The following CBFA2T2 variants were observed in gnomAD, a reference collection of about 807,000 sequenced individuals.
CBFA2T2 encodes the protein CBFA2/RUNX1 partner transcriptional co-repressor 2.
CBFA2T2 carries 11 observed loss-of-function variants against 62.2 expected under a neutral mutation model. The observed-to-expected ratio is 0.18, with a 90% CI of 0.11 to 0.29. CBFA2T2 has a LOEUF of 0.29. Ranked by LOEUF, CBFA2T2 falls within the 10% of genes least tolerant of loss-of-function variation. CBFA2T2 has a pLI of 1.00. For missense variants in CBFA2T2, 592 were observed against 774.1 expected, an observed-to-expected ratio of 0.76 and a Z score of 2.79; for synonymous variants, 295 against 287.5, an observed-to-expected ratio of 1.03 and a Z score of -0.27.
intron 6 of CBFA2T2, among the ~76,000 whole-genome samples, chr20:33,627,178 G>T (rs184668792): frequency 1.3e-5 from 2 of 151,988 alleles, no homozygotes; most frequent in African/African-American, 4.8e-5. Context: ...TGGGCGAATC[G>T]TGAGGTCAGG....
At chr20:33,536,184 G>C (rs961155710) in intron 1 of CBFA2T2, among the ~76,000 whole-genome samples, 25 of 152,146 alleles carry the variant, frequency 1.6e-4, no homozygotes, top group Non-Finnish European at 3.5e-4. Context: ...GAGCTGTTGG[G>C]TACACCTCCC....
In CBFA2T2 at chr20:33,642,114, TTTTG is replaced by T. The variant is rs1336059368; in HGVS notation, c.1488+1585_1488+1588del. Among the ~76,000 whole-genome samples the T allele has an allele frequency of 8.2e-3, 514 of 62,784 alleles. 4 individuals carry two copies. The highest frequency in any genetic ancestry group is 0.015 in the Middle Eastern group (2 of 132). 41.2% of individuals were successfully genotyped at this position (62,784 alleles called of 152,430 possible). ...TCTCCTCCTCCTTTGTCTTTTTTTTTTTTGTGTGTGTGTGTGTGTGTGTGTGTGT... is the reference window on the plus strand; with the variant it reads ...TCTCCTCCTCCTTTGTCTTTTTTTTTTGTGTGTGTGTGTGTGTGTGTGTGT... On this transcript the variant is annotated intron_variant, in intron 10 of 10. Coordinates refer to ENST00000342704, the MANE Select transcript of CBFA2T2 (RefSeq NM_001032999.3).
chr20:33,580,483 A>T (rs1008612262), intron 1 of CBFA2T2, among the ~76,000 whole-genome samples: 1 of 152,168 alleles, frequency 6.6e-6, no homozygotes, highest in South Asian at 2.1e-4. Context: ...TAGACAAATG[A>T]TGCATTTCAG....
chr20:33,585,624 C>T lies in CBFA2T2; in HGVS notation c.35-21332C>T, dbSNP rs2014330092. Reference sequence around the variant, plus strand: ...CCAGGAGTGAGGTCACACAGTCAAACATTATGAACATTTTTCTAGCAGAGA... The same window carrying T: ...CCAGGAGTGAGGTCACACAGTCAAATATTATGAACATTTTTCTAGCAGAGA... On this transcript the variant is annotated intron_variant, in intron 1 of 10. Transcript: ENST00000342704. Among the ~76,000 whole-genome samples the T allele has an allele frequency of 2.0e-5, 3 of 152,146 alleles. No individual in the cohort carries two copies. The South Asian group carries it at 6.2e-4, about 32-fold the overall frequency.
chr20:33,523,178 G>A (rs1231177560), intron 1 of CBFA2T2, among the ~76,000 whole-genome samples: 2 of 151,954 alleles, frequency 1.3e-5, no homozygotes, highest in Non-Finnish European at 2.9e-5. Flanking sequence ...CTCTGGCCCA[G>A]ACCTACTGAA....
intron 4 of CBFA2T2, among the ~76,000 whole-genome samples, chr20:33,622,438 T>A (rs1210947157): frequency 2.6e-5 from 4 of 152,352 alleles, no homozygotes; most frequent in East Asian, 1.9e-4. Context: ...ATGTTTTTTT[T>A]AATAAAAATG....
intron 1 of CBFA2T2, among the ~76,000 whole-genome samples, chr20:33,574,555 G>A (rs1259531576): frequency 1.3e-5 from 2 of 152,218 alleles, no homozygotes; most frequent in Admixed American, 6.5e-5. Flanking sequence ...AACCCGGGAG[G>A]CAGAGGTTGC....
Position 33,490,294 on chromosome 20 carries a change from C to T in CBFA2T2, c.27C>T (p.Ala9=). The change falls in exon 1 of 11, where the codon GCC becomes GCT. Residue 9 remains alanine, a synonymous_variant. Coordinates refer to ENST00000342704, the MANE Select transcript of CBFA2T2 (RefSeq NM_001032999.3). The stretch of plus-strand genomic sequence containing the variant: ...TGGTAGGCGTCCCTGGAGCGGCCGC[C>T]TTCCAGCGTAAGTGGGGCGTGAATG... MVGVPGAA[A]FQLGPEKRVP... is the part of the protein sequence containing the mutation. 1 of 1,275,516 alleles carries T rather than the reference C, an allele frequency of 7.8e-7. No homozygotes were observed. Among genetic ancestry groups the T allele is most frequent in the East Asian group, 3.0e-5 (1 of 33,452 alleles). The allele number at this position is 1,275,516 out of a possible 1,614,324, so 79.0% of individuals were successfully genotyped here.
At chr20:33,490,827 C>T (rs1309426654) in intron 1 of CBFA2T2, among the ~76,000 whole-genome samples, 1 of 152,200 alleles carries the variant, frequency 6.6e-6, no homozygotes, top group African/African-American at 2.4e-5. Flanking sequence ...GGATGTGGAG[C>T]GGGTTCCCTC....
chr20:33,600,502 A>G (rs1159155220), intron 1 of CBFA2T2: 2 of 416,350 alleles, frequency 4.8e-6, no homozygotes. Flanking sequence ...AATTCTTACC[A>G]TATGACAATT....
intron 1 of CBFA2T2, among the ~76,000 whole-genome samples, chr20:33,509,114 C>G (rs545801293): frequency 1.3e-5 from 2 of 152,150 alleles, no homozygotes; most frequent in Non-Finnish European, 2.9e-5. Flanking sequence ...CACCTGTAAT[C>G]CCAGCACTTT....
chr20:33,531,423 G>A (rs2012058818), intron 1 of CBFA2T2, among the ~76,000 whole-genome samples: 1 of 152,210 alleles, frequency 6.6e-6, no homozygotes, highest in Non-Finnish European at 1.5e-5. Context: ...CTCTTCATCT[G>A]TGTTTAGGAT....
At chr20:33,525,955 C>T (rs578000117) in intron 1 of CBFA2T2, among the ~76,000 whole-genome samples, 6 of 152,186 alleles carry the variant, frequency 3.9e-5, no homozygotes, top group Non-Finnish European at 7.4e-5. Context: ...CACCTGGCCA[C>T]GTAATCTACT....
chr20:33,512,284 A>C (rs1294107369), intron 1 of CBFA2T2, among the ~76,000 whole-genome samples: 1 of 151,756 alleles, frequency 6.6e-6, no homozygotes, highest in African/African-American at 2.4e-5. Flanking sequence ...CTGGGAGGCA[A>C]ATGTTGCAGT....
intron 1 of CBFA2T2, among the ~76,000 whole-genome samples, chr20:33,550,951 A>C (rs2012724846): frequency 6.6e-6 from 1 of 152,068 alleles, no homozygotes; most frequent in Admixed American, 6.6e-5. Flanking sequence ...CTGTCAAGCT[A>C]CATGAGTTGG....
intron 1 of CBFA2T2, among the ~76,000 whole-genome samples, chr20:33,561,751 T>C (rs547865918): frequency 1.4e-4 from 21 of 152,358 alleles, no homozygotes; most frequent in African/African-American, 4.8e-4. Context: ...ATATTTGCTC[T>C]GTTTTAAAAC....
At chr20:33,514,192 C>T (rs1385663581) in intron 1 of CBFA2T2, among the ~76,000 whole-genome samples, 5 of 142,766 alleles carry the variant, frequency 3.5e-5, no homozygotes, top group East Asian at 4.3e-4. Context: ...CGTGAGCCAC[C>T]GTGCCCTGCC....
intron 1 of CBFA2T2, among the ~76,000 whole-genome samples, chr20:33,596,680 T>G (rs2014906262): frequency 6.6e-6 from 1 of 152,220 alleles, no homozygotes; most frequent in Non-Finnish European, 1.5e-5. Context: ...TATGCCATTA[T>G]TTGAAAATAT....
chr20:33,498,479 C>G (rs1465549573), intron 1 of CBFA2T2, among the ~76,000 whole-genome samples: 1 of 151,818 alleles, frequency 6.6e-6, no homozygotes, highest in East Asian at 2.0e-4. Flanking sequence ...TCTCGAACTC[C>G]TGACCTCAGG....
Sources: allele counts gnomAD v4.1 joint callset (sites outside exome capture counted in the v4.1 genomes callset), GRCh38; gene constraint gnomAD v4.1.1; transcripts MANE v1.5; gene names NCBI Gene and HGNC (gene_info 2026-07-23, HGNC 2026-07-21).